DLGAP2: variants seen among roughly 807,000 people sequenced by gnomAD.
DLGAP2 encodes disks large-associated protein 2.
A neutral mutation model predicts 100.3 loss-of-function variants in DLGAP2; 26 were observed. The ratio of observed to expected loss-of-function variants is 0.26; its 90% CI spans 0.19 to 0.36. The LOEUF (loss-of-function observed/expected upper bound fraction) is 0.36. Ranked by LOEUF, DLGAP2 falls within the 10% of genes least tolerant of loss-of-function variation. The pLI is 1.00. For missense variants in DLGAP2, 1,858 were observed against 1,453.2 expected, an observed-to-expected ratio of 1.28 and a Z score of -4.53; for synonymous variants, 886 against 630.1, an observed-to-expected ratio of 1.41 and a Z score of -6.08.
intron 3 of DLGAP2, among the ~76,000 whole-genome samples, chr8:1,498,404 G>A (rs1209737626): frequency 3.3e-5 from 5 of 152,144 alleles, no homozygotes; most frequent in African/African-American, 1.2e-4. Flanking sequence ...TACACATTCG[G>A]GATGGAAATA....
intron 3 of DLGAP2, among the ~76,000 whole-genome samples, chr8:1,442,296 T>C (rs1797857097): frequency 2.3e-5 from 3 of 132,922 alleles, no homozygotes; most frequent in African/African-American, 5.8e-5. Flanking sequence ...GATCCAGTCA[T>C]AGACCTGCCA....
chr8:1,607,699 G>A (rs981456051), intron 6 of DLGAP2, among the ~76,000 whole-genome samples: 5 of 152,120 alleles, frequency 3.3e-5, no homozygotes, highest in Non-Finnish European at 7.4e-5. Flanking sequence ...GGCGCGAGCC[G>A]AAGCAGGGCG....
At chr8:1,424,742 A>C (rs752716087) in intron 3 of DLGAP2, among the ~76,000 whole-genome samples, 2 of 152,216 alleles carry the variant, frequency 1.3e-5, no homozygotes, top group Non-Finnish European at 2.9e-5. Context: ...ATCCCCTTAC[A>C]CGCAGCACCT....
chr8:949,459 G>A (rs149692897), intron 2 of DLGAP2, among the ~76,000 whole-genome samples: 116 of 152,232 alleles, frequency 7.6e-4, no homozygotes, highest in African/African-American at 2.7e-3. Flanking sequence ...GTCTGCAAGA[G>A]GAGCCCTGGG....
intron 2 of DLGAP2, among the ~76,000 whole-genome samples, chr8:1,179,358 G>T (rs1422120458): frequency 6.6e-6 from 1 of 152,232 alleles, no homozygotes; most frequent in Non-Finnish European, 1.5e-5. Context: ...GGCTGTGGGT[G>T]GAGGGAGTGC....
At position 1,043,959 on chromosome 8, in the gene DLGAP2, G is replaced by A. The variant is rs569278532; in HGVS notation, c.73+135993G>A. Among the ~76,000 whole-genome samples, 6 of 152,192 alleles carry A rather than the reference G, an allele frequency of 3.9e-5. No homozygotes were observed. The East Asian group carries it at 7.7e-4, about 20-fold the overall frequency. ...GGTGCAGTTGCTTGTGATGCTTTCT[G>A]GGTTAGAGACTTTGCATCACCTCTG... On this transcript the variant is annotated intron_variant, in intron 2 of 14. Transcript: ENST00000637795.
At chr8:1,197,011 C>T (rs1797765752) in intron 2 of DLGAP2, among the ~76,000 whole-genome samples, 1 of 152,102 alleles carries the variant, frequency 6.6e-6, no homozygotes, top group South Asian at 2.1e-4. Context: ...GCCTGAAAAT[C>T]GGGGTGGGCA....
intron 2 of DLGAP2, among the ~76,000 whole-genome samples, chr8:1,012,520 A>G (rs749093729): frequency 1.4e-5 from 1 of 73,636 alleles, no homozygotes; most frequent in African/African-American, 5.2e-5. Context: ...AGTGTGGACA[A>G]CGTCCGACCA....
At chr8:760,652 C>T (rs1037788647) in intron 1 of DLGAP2, among the ~76,000 whole-genome samples, 1 of 152,200 alleles carries the variant, frequency 6.6e-6, no homozygotes, top group East Asian at 1.9e-4. Flanking sequence ...GACTCCTGCT[C>T]TCATGGCATA....
intron 3 of DLGAP2, among the ~76,000 whole-genome samples, chr8:1,307,796 C>T (rs1800524426): frequency 6.6e-6 from 1 of 152,116 alleles, no homozygotes; most frequent in South Asian, 2.1e-4. Context: ...ATTCCCCTCA[C>T]ATGAGGTACG....
chr8:1,327,889 C>G (rs990430913), intron 3 of DLGAP2, among the ~76,000 whole-genome samples: 1 of 152,134 alleles, frequency 6.6e-6, no homozygotes, highest in African/African-American at 2.4e-5. Flanking sequence ...TGAATCCATT[C>G]TCCACTTTTT....
chr8:1,424,670 C>G (rs1207526513), intron 3 of DLGAP2, among the ~76,000 whole-genome samples: 1 of 152,084 alleles, frequency 6.6e-6, no homozygotes, highest in African/African-American at 2.4e-5. Flanking sequence ...GATCCCCTTA[C>G]ACACAGCACC....
At chr8:1,532,438 G>C (rs1310759995) in intron 4 of DLGAP2, among the ~76,000 whole-genome samples, 2 of 152,096 alleles carry the variant, frequency 1.3e-5, no homozygotes, top group Admixed American at 1.3e-4. Context: ...TTGGTTTTCT[G>C]ATACAGAAAC....
At chr8:1,052,560 A>T (rs561878087) in intron 2 of DLGAP2, among the ~76,000 whole-genome samples, 1 of 152,200 alleles carries the variant, frequency 6.6e-6, no homozygotes, top group Non-Finnish European at 1.5e-5. Flanking sequence ...GGGGACTCAC[A>T]GGCAGGGTCC....
In DLGAP2 at chr8:1,435,813, C is replaced by G. The variant is rs544800196; in HGVS notation, c.107-65553C>G. On this transcript the variant is annotated intron_variant, in intron 3 of 14. Coordinates refer to ENST00000637795, the MANE Select transcript of DLGAP2 (RefSeq NM_001346810.2). ...GCTGGAAGATGGTGATATCGACAGT[C>G]CTGACCCTGCGCAGGTAGAGGCTGA... is the stretch of plus-strand genomic sequence containing the variant. 1.2e-4 allele frequency among the ~76,000 whole-genome samples: 18 copies of G among 151,940 alleles called. No homozygotes were observed. The South Asian group carries it at 1.9e-3, about 16-fold the overall frequency.
intron 2 of DLGAP2, among the ~76,000 whole-genome samples, chr8:1,161,117 C>T (rs1796880326): frequency 6.6e-6 from 1 of 152,192 alleles, no homozygotes; most frequent in Admixed American, 6.5e-5. Flanking sequence ...ACTAAATTAT[C>T]AGCAGTGAGG....
chr8:1,546,862 G>T (rs890848390), intron 4 of DLGAP2, among the ~76,000 whole-genome samples: 1 of 152,150 alleles, frequency 6.6e-6, no homozygotes, highest in Admixed American at 6.5e-5. Context: ...TTCGTTCCGG[G>T]ATCCGAGGCA....
At chr8:1,208,682 C>T (rs780953418) in intron 2 of DLGAP2, among the ~76,000 whole-genome samples, 2 of 151,966 alleles carry the variant, frequency 1.3e-5, no homozygotes, top group African/African-American at 2.4e-5. Context: ...AAAAGGAAGT[C>T]AAACTGTTGC....
intron 2 of DLGAP2, among the ~76,000 whole-genome samples, chr8:946,383 A>C (rs4421372): frequency 0.56 from 84,286 of 150,756 alleles, 23,727 homozygotes; most frequent in African/African-American, 0.6. Flanking sequence ...TCTGCCTCAG[A>C]CTCCCGAGTG....
Sources: gnomAD v4.1 joint callset for allele counts (sites outside exome capture counted in the v4.1 genomes callset) on GRCh38, gnomAD v4.1.1 for gene constraint, MANE v1.5 for transcripts, NCBI Gene and HGNC (gene_info 2026-07-23, HGNC 2026-07-21) for gene names.